Variants in LRRC37A2 observed in about 807,000 individuals in gnomAD.
The protein encoded by LRRC37A2 is leucine rich repeat containing 37 member A2.
LRRC37A2 carries 9 observed loss-of-function variants against 68.8 expected under a neutral mutation model. The observed-to-expected ratio is 0.13, with a 90% CI of 0.08 to 0.23. The LOEUF (loss-of-function observed/expected upper bound fraction) is 0.23. Ranked by LOEUF, LRRC37A2 falls within the 10% of genes least tolerant of loss-of-function variation. The pLI is 1.00. For missense variants in LRRC37A2, 168 were observed against 950.4 expected, an observed-to-expected ratio of 0.18 and a Z score of 10.82; for synonymous variants, 63 against 367.6, an observed-to-expected ratio of 0.17 and a Z score of 9.48.
At chr17:46,953,431 C>T in the LRRC37A2 span, among the ~76,000 whole-genome samples, 1 of 152,086 alleles carries the variant, frequency 6.6e-6, no homozygotes, top group Non-Finnish European at 1.5e-5. Context: ...CCACATTTTC[C>T]TAATCCAGTC....
chr17:46,774,240 A>G, the LRRC37A2 span, among the ~76,000 whole-genome samples: 1 of 152,250 alleles, frequency 6.6e-6, no homozygotes, highest in Non-Finnish European at 1.5e-5. Flanking sequence ...AGTCCTTTCC[A>G]GGTTCTGGGT....
chr17:46,741,174 A>T, the LRRC37A2 span, among the ~76,000 whole-genome samples: 2 of 152,166 alleles, frequency 1.3e-5, no homozygotes, highest in African/African-American at 4.8e-5. Context: ...CAGACAGATC[A>T]CTTTACCTCT....
the LRRC37A2 span, among the ~76,000 whole-genome samples, chr17:46,690,624 A>AAAATATAT: frequency 9.0e-6 from 1 of 110,976 alleles, no homozygotes; most frequent in Non-Finnish European, 1.8e-5. Context: ...AAAAAAAAAA[A>AAAATATAT]ATATATATAT....
chr17:46,936,890 G>A, the LRRC37A2 span: 1 of 930,618 alleles, frequency 1.1e-6, no homozygotes, highest in Non-Finnish European at 1.3e-6. Flanking sequence ...TGTAGATTTT[G>A]GATTCCTGTC....
the LRRC37A2 span, among the ~76,000 whole-genome samples, chr17:46,996,663 A>G: frequency 6.6e-6 from 1 of 152,298 alleles, no homozygotes; most frequent in Admixed American, 6.5e-5. Flanking sequence ...TAATTTCTTT[A>G]GAGACAGGGT....
chr17:46,708,822 A>ATATAT, the LRRC37A2 span, among the ~76,000 whole-genome samples: 1 of 108,902 alleles, frequency 9.2e-6, no homozygotes, highest in African/African-American at 3.8e-5. Flanking sequence ...ATATATATAT[A>ATATAT]TTTTTTTTTT....
the LRRC37A2 span, among the ~76,000 whole-genome samples, chr17:46,784,777 CTTTTTTTT>C: frequency 7.7e-6 from 1 of 129,296 alleles, no homozygotes; most frequent in African/African-American, 2.9e-5. Context: ...TTTTGCTTTT[CTTTTTTTT>C]TTTTTTTTGA....
At chr17:46,790,795 G>A in the LRRC37A2 span, among the ~76,000 whole-genome samples, 9 of 152,168 alleles carry the variant, frequency 5.9e-5, no homozygotes, top group Non-Finnish European at 1.0e-4. Flanking sequence ...CTCCGTTTCC[G>A]TCCACCTTGG....
chr17:46,493,330 T>G, the LRRC37A2 span, among the ~76,000 whole-genome samples: 24 of 128,954 alleles, frequency 1.9e-4, no homozygotes, highest in African/African-American at 7.4e-4. Flanking sequence ...TGGCTAGTTT[T>G]TTTTTTTTTT....
chr17:46,938,775 G>A, the LRRC37A2 span: 15 of 1,613,790 alleles, frequency 9.3e-6, no homozygotes, highest in Admixed American at 1.7e-5. Context: ...GCCACGCTCA[G>A]TGGCTGAACA....
chr17:47,000,091 T>TAAAATAAAAATAA, the LRRC37A2 span, among the ~76,000 whole-genome samples: 103 of 62,564 alleles, frequency 1.6e-3, 10 homozygotes, highest in East Asian at 0.019. Flanking sequence ...TAAAATAAAA[T>TAAAATAAAAATAA]AAAATAAAAT....
chr17:46,776,881 T>C, the LRRC37A2 span, among the ~76,000 whole-genome samples: 1 of 151,902 alleles, frequency 6.6e-6, no homozygotes, highest in African/African-American at 2.4e-5. Flanking sequence ...CCCTCCTCCT[T>C]CCCCTCCCGT....
At chr17:46,822,395 G>A in the LRRC37A2 span, among the ~76,000 whole-genome samples, 6 of 152,234 alleles carry the variant, frequency 3.9e-5, no homozygotes, top group Non-Finnish European at 5.9e-5. Context: ...GGAAGCCCCT[G>A]ACCTGCACCG....
At chr17:46,812,611 C>T in the LRRC37A2 span, among the ~76,000 whole-genome samples, 1 of 152,168 alleles carries the variant, frequency 6.6e-6, no homozygotes, top group Non-Finnish European at 1.5e-5. Context: ...CTTCTCTACC[C>T]TGCCCTCCCC....
chr17:46,730,215 C>T, the LRRC37A2 span, among the ~76,000 whole-genome samples: 2 of 152,046 alleles, frequency 1.3e-5, no homozygotes, highest in African/African-American at 4.8e-5. Flanking sequence ...ATATATTATG[C>T]ACACAAAAAA....
the LRRC37A2 span, chr17:46,722,018 T>C: frequency 6.2e-7 from 1 of 1,609,280 alleles, no homozygotes; most frequent in South Asian, 1.1e-5. Flanking sequence ...AACTTCAGTT[T>C]CCTTGGCTGC....
At chr17:47,025,726 CTTA>C in the LRRC37A2 span, among the ~76,000 whole-genome samples, 2 of 134,720 alleles carry the variant, frequency 1.5e-5, no homozygotes, top group African/African-American at 5.7e-5. Flanking sequence ...GTCATTAATC[CTTA>C]TTAAGCTCAT....
chr17:46,798,412 T>A, the LRRC37A2 span, among the ~76,000 whole-genome samples: 1 of 152,196 alleles, frequency 6.6e-6, no homozygotes, highest in African/African-American at 2.4e-5. Context: ...CTAATATATA[T>A]GATTGTTCTC....
the LRRC37A2 span, among the ~76,000 whole-genome samples, chr17:46,789,345 G>A: frequency 6.6e-6 from 1 of 152,230 alleles, no homozygotes; most frequent in African/African-American, 2.4e-5. Flanking sequence ...GGTCAGGGAT[G>A]CAGGCTATAC....
Sources: allele counts gnomAD v4.1 joint callset (sites outside exome capture counted in the v4.1 genomes callset), GRCh38; gene constraint gnomAD v4.1.1; transcripts MANE v1.5; gene names NCBI Gene and HGNC (gene_info 2026-07-23, HGNC 2026-07-21).